The following OR3A2 variants were observed in gnomAD, a reference collection of about 807,000 sequenced individuals.
The protein encoded by OR3A2 is olfactory receptor 3A2.
For synonymous variants in OR3A2, 126 were observed against 159.3 expected (o/e 0.79, Z 1.57); for missense variants, 318 against 392.8 (o/e 0.81, Z 1.61).
chr17:3,356,302 C>A (rs1644777433), intron 2 of OR3A2, among the ~76,000 whole-genome samples: 1 of 151,326 alleles, frequency 6.6e-6, no homozygotes, highest in Non-Finnish European at 1.5e-5. Flanking sequence ...TCTGTTTTTC[C>A]ATGCACTTAC....
At chr17:3,330,695 G>C (rs552596242) in intron 3 of OR3A2, among the ~76,000 whole-genome samples, 1 of 152,058 alleles carries the variant, frequency 6.6e-6, no homozygotes, top group Admixed American at 6.6e-5. Context: ...TTTAATTGGA[G>C]CATTTAGTCC....
At chr17:3,376,052 G>T (rs1284916384) in intron 2 of OR3A2, among the ~76,000 whole-genome samples, 3 of 152,238 alleles carry the variant, frequency 2.0e-5, no homozygotes, top group African/African-American at 7.2e-5. Context: ...GTTTGGTTTA[G>T]TGCACTGGTT....
intron 2 of OR3A2, among the ~76,000 whole-genome samples, chr17:3,354,584 GT>G (rs2049448908): frequency 6.6e-6 from 1 of 151,164 alleles, no homozygotes. Context: ...ATCCTTCAAA[GT>G]TCCGTGGTAT....
intron 2 of OR3A2, among the ~76,000 whole-genome samples, chr17:3,379,150 T>C (rs1337962034): frequency 6.6e-6 from 1 of 152,172 alleles, no homozygotes; most frequent in Non-Finnish European, 1.5e-5. Flanking sequence ...GAGAAGTTCA[T>C]TCCATGGGAC....
At chr17:3,329,341 T>C (rs1432315688) in intron 3 of OR3A2, among the ~76,000 whole-genome samples, 4 of 150,212 alleles carry the variant, frequency 2.7e-5, no homozygotes, top group African/African-American at 2.4e-5. Flanking sequence ...CATCTGGTCC[T>C]GGACTCTTTT....
chr17:3,371,591 G>T (rs1322257512), intron 2 of OR3A2, among the ~76,000 whole-genome samples: 1 of 135,966 alleles, frequency 7.4e-6, no homozygotes, highest in Non-Finnish European at 1.6e-5. Flanking sequence ...CCTCCCTCCC[G>T]GACGGGGTGG....
chr17:3,290,002 T>C (rs369105492), intron 3 of OR3A2, among the ~76,000 whole-genome samples: 1 of 152,236 alleles, frequency 6.6e-6, no homozygotes, highest in South Asian at 2.1e-4. Flanking sequence ...CTGGAGAAAA[T>C]ACCCAGCACT....
chr17:3,283,944 C>T (rs1225937489), intron 1 of OR3A2, among the ~76,000 whole-genome samples: 2 of 142,682 alleles, frequency 1.4e-5, no homozygotes, highest in African/African-American at 2.8e-5. Flanking sequence ...AGGGTCCCCA[C>T]GAGGCCCACT....
intron 3 of OR3A2, among the ~76,000 whole-genome samples, chr17:3,309,790 T>C (rs2049026105): frequency 6.6e-6 from 1 of 152,156 alleles, no homozygotes; most frequent in African/African-American, 2.4e-5. Flanking sequence ...CATGTTAATC[T>C]TTTAATAGTC....
intron 2 of OR3A2, among the ~76,000 whole-genome samples, chr17:3,367,849 G>T (rs2049577685): frequency 6.6e-6 from 1 of 151,900 alleles, no homozygotes; most frequent in Non-Finnish European, 1.5e-5. Context: ...GGTTGTACCA[G>T]TTTACACTCC....
intron 3 of OR3A2, among the ~76,000 whole-genome samples, chr17:3,308,335 G>A (rs571657450): frequency 2.6e-5 from 4 of 152,226 alleles, no homozygotes; most frequent in African/African-American, 9.6e-5. Context: ...CCTCTGCAGA[G>A]GCTGCTGGGC....
upstream of OR3A2, among the ~76,000 whole-genome samples, chr17:3,288,953 T>G (rs935582533): frequency 2.0e-5 from 3 of 152,200 alleles, no homozygotes; most frequent in African/African-American, 7.2e-5. Flanking sequence ...GTTAAATAGA[T>G]TATAATTTTA....
At chr17:3,358,217 G>A (rs1236197429) in intron 2 of OR3A2, among the ~76,000 whole-genome samples, 1 of 151,630 alleles carries the variant, frequency 6.6e-6, no homozygotes, top group Non-Finnish European at 1.5e-5. Flanking sequence ...AGGTTTCAAT[G>A]GTGAATCTGA....
chr17:3,329,029 A>G (rs1342372630), intron 3 of OR3A2, among the ~76,000 whole-genome samples: 18 of 151,084 alleles, frequency 1.2e-4, no homozygotes, highest in African/African-American at 4.4e-4. Context: ...ATTTGCGTAT[A>G]TTGAACCAGC....
intron 3 of OR3A2, among the ~76,000 whole-genome samples, chr17:3,309,773 G>A (rs1346711282): frequency 1.3e-5 from 2 of 151,994 alleles, no homozygotes; most frequent in Non-Finnish European, 2.9e-5. Context: ...CAAATCTCAT[G>A]GCCTCGCATG....
In OR3A2 at chr17:3,279,057, A is replaced by G. The variant is rs142455113; in HGVS notation, c.-6-134T>C. On this transcript the variant is annotated intron_variant, in intron 1 of 1. Coordinates refer to ENST00000642052, the Ensembl canonical transcript of OR3A2. The stretch of plus-strand genomic sequence containing the variant: ...CATCCCTCACTCGTTGACCTCCTCC[A>G]TCACCTCAATGCCTTTACCTTGCTC... 1,497 of 1,436,868 alleles carry G rather than the reference A, an allele frequency of 1.0e-3. 13 individuals carry two copies. The African/African-American group carries it at 0.018, about 17-fold the overall frequency. The allele number at this position is 1,436,868 out of a possible 1,614,324, so 89.0% of individuals were successfully genotyped here. A position where few individuals can be genotyped will look rare whatever the true frequency, so the allele number is the denominator to read the frequency against.
intron 2 of OR3A2, among the ~76,000 whole-genome samples, chr17:3,359,865 G>A (rs1389330244): frequency 1.3e-5 from 2 of 151,762 alleles, no homozygotes; most frequent in African/African-American, 2.4e-5. Context: ...ATTGTGAGTA[G>A]TGCCGCAATA....
At chr17:3,357,723 A>T (rs983540630) in intron 2 of OR3A2, among the ~76,000 whole-genome samples, 4 of 151,156 alleles carry the variant, frequency 2.6e-5, no homozygotes, top group Non-Finnish European at 4.4e-5. Flanking sequence ...ATAATTTTTA[A>T]TTTTTTTTAT....
intron 3 of OR3A2, among the ~76,000 whole-genome samples, chr17:3,297,678 CT>C (rs2150624676): frequency 6.6e-6 from 1 of 152,092 alleles, no homozygotes; most frequent in East Asian, 1.9e-4. Flanking sequence ...CCAAATTCAG[CT>C]TTGCATTCTT....
Sources: gnomAD v4.1 joint callset for allele counts (sites outside exome capture counted in the v4.1 genomes callset) on GRCh38, gnomAD v4.1.1 for gene constraint, MANE v1.5 for transcripts, NCBI Gene and HGNC (gene_info 2026-07-23, HGNC 2026-07-21) for gene names.